NOX4: variants seen among roughly 807,000 people sequenced by gnomAD.
NOX4 encodes the protein NADPH oxidase 4.
NOX4 carries 69 observed loss-of-function variants against 87.6 expected under a neutral mutation model. The observed-to-expected ratio is 0.79, with a 90% CI of 0.65 to 0.96. The LOEUF (loss-of-function observed/expected upper bound fraction) is 0.96, where lower values mean the gene tolerates loss of function less well. Ranked by LOEUF, NOX4 falls within the 40% of genes least tolerant of loss-of-function variation. NOX4 has a pLI of 0.00. For missense variants in NOX4, 680 were observed against 681.5 expected, an observed-to-expected ratio of 1.00 and a Z score of 0.02; for synonymous variants, 275 against 238.2, an observed-to-expected ratio of 1.15 and a Z score of -1.42.
At chr11:89,411,127 C>T (rs1480824676) in intron 8 of NOX4, among the ~76,000 whole-genome samples, 1 of 152,110 alleles carries the variant, frequency 6.6e-6, no homozygotes, top group Non-Finnish European at 1.5e-5. Flanking sequence ...CCTGGGCAAG[C>T]AAGAAACTTG....
At chr11:89,420,340 A>G (rs1943016888) in intron 8 of NOX4, among the ~76,000 whole-genome samples, 2 of 152,184 alleles carry the variant, frequency 1.3e-5, no homozygotes, top group Non-Finnish European at 2.9e-5. Flanking sequence ...TATTATCATT[A>G]GTTGTATCTG....
chr11:89,567,022 G>T, the NOX4 span, among the ~76,000 whole-genome samples: 1 of 152,144 alleles, frequency 6.6e-6, no homozygotes, highest in South Asian at 2.1e-4. Context: ...CATAGCCAGG[G>T]ATGCACATCC....
intron 13 of NOX4, among the ~76,000 whole-genome samples, chr11:89,354,080 G>A (rs1937790795): frequency 6.6e-6 from 1 of 152,174 alleles, no homozygotes; most frequent in Non-Finnish European, 1.5e-5. Flanking sequence ...TCCCCGGAAA[G>A]CAAAGTTTAT....
chr11:89,524,385 C>A, the NOX4 span, among the ~76,000 whole-genome samples: 1 of 151,980 alleles, frequency 6.6e-6, no homozygotes, highest in South Asian at 2.1e-4. Flanking sequence ...GTACTGAGTA[C>A]CTTCTAGGTA....
the NOX4 span, among the ~76,000 whole-genome samples, chr11:89,576,460 A>G: frequency 1.3e-5 from 2 of 152,242 alleles, no homozygotes; most frequent in African/African-American, 4.8e-5. Flanking sequence ...CTTAAAAATC[A>G]TACGATAAAA....
intron 13 of NOX4, among the ~76,000 whole-genome samples, chr11:89,354,686 A>G (rs1356703757): frequency 6.6e-6 from 1 of 152,168 alleles, no homozygotes; most frequent in Non-Finnish European, 1.5e-5. Context: ...ATCAAGCAAA[A>G]AGAACCAGAC....
At chr11:89,501,842 C>G (rs562652), upstream of NOX4, among the ~76,000 whole-genome samples, 131,105 of 152,094 alleles carry the variant, frequency 0.86, 56,902 homozygotes, top group Non-Finnish European at 0.92. Context: ...GAGTATTCAC[C>G]ATTTCTACCC....
At position 89,326,622 on chromosome 11, in the gene NOX4, C is replaced by T; in HGVS notation, c.*134G>A. 1 of 697,604 alleles carries T rather than the reference C, an allele frequency of 1.4e-6. No homozygotes were observed. Among genetic ancestry groups the T allele is most frequent in the Non-Finnish European group, 2.3e-6 (1 of 444,292 alleles). The allele number at this position is 697,604 out of a possible 1,614,324, so 43.2% of individuals were successfully genotyped here. A position where few individuals can be genotyped will look rare whatever the true frequency, so the allele number is the denominator to read the frequency against. On this transcript the variant is annotated 3_prime_UTR_variant, in exon 18 of 18. Coordinates refer to ENST00000263317, the MANE Select transcript of NOX4 (RefSeq NM_016931.5). ...GTCATCTTGCCACATTCTCACATTT[C>T]CATTTTAAATAATCATAAATAAGAA...
At chr11:89,532,128 C>A in the NOX4 span, among the ~76,000 whole-genome samples, 27 of 152,314 alleles carry the variant, frequency 1.8e-4, no homozygotes, top group African/African-American at 6.5e-4. Flanking sequence ...TGAGCTCCCA[C>A]ACAAAAGTCC....
At chr11:89,587,275 G>A in the NOX4 span, among the ~76,000 whole-genome samples, 1 of 152,152 alleles carries the variant, frequency 6.6e-6, no homozygotes, top group East Asian at 1.9e-4. Context: ...TTTCCAAGGA[G>A]ACTATTAAAA....
chr11:89,382,152 C>T (rs1940334620), intron 11 of NOX4, among the ~76,000 whole-genome samples: 1 of 151,942 alleles, frequency 6.6e-6, no homozygotes, highest in Admixed American at 6.6e-5. Flanking sequence ...GGGGGGAGGG[C>T]AGGTACCCCC....
chr11:89,481,675 A>G (rs977333140), intron 2 of NOX4, among the ~76,000 whole-genome samples: 1 of 152,146 alleles, frequency 6.6e-6, no homozygotes, highest in Non-Finnish European at 1.5e-5. Flanking sequence ...AATGCTTAGC[A>G]TGATAGACAT....
intron 11 of NOX4, among the ~76,000 whole-genome samples, chr11:89,383,691 C>A (rs1259113149): frequency 1.3e-5 from 2 of 152,118 alleles, no homozygotes; most frequent in African/African-American, 2.4e-5. Context: ...GGACAACATT[C>A]TTTTATGCAC....
upstream of NOX4, among the ~76,000 whole-genome samples, chr11:89,501,942 C>T (rs1396585940): frequency 6.6e-6 from 1 of 152,040 alleles, no homozygotes; most frequent in Non-Finnish European, 1.5e-5. Context: ...TGCAGTTATC[C>T]TGTCCCTACT....
chr11:89,453,431 TAGG>T, intron 2 of NOX4, among the ~76,000 whole-genome samples: 2 of 152,324 alleles, frequency 1.3e-5, no homozygotes, highest in African/African-American at 4.8e-5. Context: ...GACTCTGTCT[TAGG>T]AGGAGGATAT....
At chr11:89,568,209 G>A in the NOX4 span, among the ~76,000 whole-genome samples, 8 of 151,860 alleles carry the variant, frequency 5.3e-5, no homozygotes, top group East Asian at 1.9e-4. Context: ...CAAATCAACC[G>A]GAAAACTAGC....
Position 89,325,946 on chromosome 11 carries a change from T to C in NOX4, c.*810A>G, listed in dbSNP as rs904296873. ...GTGTATATATATATGTGTATATACATATATATATCCATATATATATATCCC... is the reference window on the plus strand; with the variant it reads ...GTGTATATATATATGTGTATATACACATATATATCCATATATATATATCCC... On this transcript the variant is annotated 3_prime_UTR_variant, in exon 18 of 18. Transcript: ENST00000263317. 6.7e-5 allele frequency: 10 copies of C among 148,762 alleles called. No homozygotes were observed. The highest frequency in any genetic ancestry group is 8.9e-5 in the Non-Finnish European group (6 of 67,324). 9.2% of individuals were successfully genotyped at this position (148,762 alleles called of 1,614,324 possible). A position where few individuals can be genotyped will look rare whatever the true frequency, so the allele number is the denominator to read the frequency against.
intron 12 of NOX4, among the ~76,000 whole-genome samples, chr11:89,370,024 T>C (rs991995693): frequency 2.6e-5 from 4 of 151,966 alleles, no homozygotes; most frequent in South Asian, 2.1e-4. Context: ...GCTCCTACAG[T>C]GATATAGAAA....
At chr11:89,502,792 T>G (rs1947036204), upstream of NOX4, among the ~76,000 whole-genome samples, 1 of 152,104 alleles carries the variant, frequency 6.6e-6, no homozygotes, top group African/African-American at 2.4e-5. Flanking sequence ...TATCGTAATA[T>G]TCATATTCCT....
Sources: gnomAD v4.1 joint callset for allele counts (sites outside exome capture counted in the v4.1 genomes callset) on GRCh38, gnomAD v4.1.1 for gene constraint, MANE v1.5 for transcripts, NCBI Gene and HGNC (gene_info 2026-07-23, HGNC 2026-07-21) for gene names.